Variants in NRXN1 observed in about 807,000 individuals in gnomAD.
NRXN1 encodes neurexin-1.
A neutral mutation model predicts 150.9 loss-of-function variants in NRXN1; 39 were observed. The ratio of observed to expected loss-of-function variants is 0.26; its 90% CI spans 0.20 to 0.34. The LOEUF is 0.34. NRXN1 is among the 10% of genes least tolerant of loss of function. The probability of loss-of-function intolerance (pLI) is 1.00; values close to 1 mark genes in which losing one functional copy is unlikely to be tolerated. For synonymous variants in NRXN1, 924 were observed against 757.0 expected (o/e 1.22, Z -3.62); for missense variants, 1,815 against 1,949.9 (o/e 0.93, Z 1.30).
chr2:50,946,506 A>C (rs1000378394), intron 2 of NRXN1, among the ~76,000 whole-genome samples: 2 of 152,148 alleles, frequency 1.3e-5, no homozygotes, highest in South Asian at 4.1e-4. Context: ...GATTATTCTG[A>C]ACAGTTACAT....
At chr2:49,991,590 T>C (rs1260522960) in intron 21 of NRXN1, among the ~76,000 whole-genome samples, 1 of 152,174 alleles carries the variant, frequency 6.6e-6, no homozygotes. Flanking sequence ...GAATGAAATC[T>C]AGTAAGTAAA....
At chr2:50,922,448 A>G (rs920339265) in intron 4 of NRXN1, 1 of 634,100 alleles carries the variant, frequency 1.6e-6, no homozygotes, top group Admixed American at 2.8e-5. Flanking sequence ...GCAAGAAATG[A>G]AGGAAAATAA....
intron 17 of NRXN1, among the ~76,000 whole-genome samples, chr2:50,391,119 C>T (rs186015485): frequency 1.5e-4 from 23 of 151,900 alleles, no homozygotes; most frequent in Admixed American, 1.2e-3. Context: ...AGAGCTAAAA[C>T]AGCAGAATTA....
chr2:50,043,425 A>G (rs1691322234), intron 21 of NRXN1, among the ~76,000 whole-genome samples: 1 of 152,208 alleles, frequency 6.6e-6, no homozygotes, highest in Admixed American at 6.5e-5. Flanking sequence ...CTGTGCACGG[A>G]AAAGTCAGAC....
In NRXN1 at chr2:50,233,790, T is replaced by C. The variant is rs1273862832; in HGVS notation, c.3546+2999A>G. On this transcript the variant is annotated intron_variant, in intron 18 of 22. Transcript: ENST00000401669. ...CAAACCTAAATCATAAGCAATAATC[T>C]AGAATTTATAAATCTTATTTTTCCT... Among the ~76,000 whole-genome samples the C allele has an allele frequency of 3.3e-5, 5 of 152,228 alleles. No individual in the cohort carries two copies. In the South Asian group the frequency reaches 8.3e-4, roughly 25 times the overall value.
Position 50,465,157 on chromosome 2 carries a change from G to T in NRXN1, c.3364+285C>A, listed in dbSNP as rs149729500. Among the ~76,000 whole-genome samples, 330 of 151,772 alleles carry T rather than the reference G, an allele frequency of 2.2e-3. 1 individual carries two copies. The highest frequency in any genetic ancestry group is 3.7e-3 in the Admixed American group (57 of 15,212). ...TTCTTTCAAAAACCAAGGGAGAATTGTCATATATTGGAAATGAAAAACATT... is the reference window on the plus strand; with the variant it reads ...TTCTTTCAAAAACCAAGGGAGAATTTTCATATATTGGAAATGAAAAACATT... On this transcript the variant is annotated intron_variant, in intron 17 of 22. Coordinates refer to ENST00000401669, the MANE Select transcript of NRXN1 (RefSeq NM_001330078.2).
At chr2:50,890,492 G>A (rs578054383) in intron 5 of NRXN1, among the ~76,000 whole-genome samples, 1 of 151,742 alleles carries the variant, frequency 6.6e-6, no homozygotes, top group African/African-American at 2.4e-5. Flanking sequence ...GTTTTACTTA[G>A]ATTTTTTTTA....
chr2:50,017,446 C>A (rs1381082068), intron 21 of NRXN1, among the ~76,000 whole-genome samples: 7 of 151,452 alleles, frequency 4.6e-5, no homozygotes, highest in African/African-American at 7.3e-5. Flanking sequence ...AAATAAAAGT[C>A]AAAAAAAATT....
In NRXN1 at chr2:50,545,078, C is replaced by T. The variant is rs963086334; in HGVS notation, c.1760-6442G>A. 4.6e-5 allele frequency among the ~76,000 whole-genome samples: 7 copies of T among 151,956 alleles called. No homozygotes were observed. The East Asian group carries it at 5.8e-4, about 13-fold the overall frequency. ...AGAAGAAGAACTGGGAATTTTTCAA[C>T]GCCAAATTATTTTAGTGGTTATCTA... is the stretch of plus-strand genomic sequence containing the variant. On this transcript the variant is annotated intron_variant, in intron 9 of 22. Coordinates refer to ENST00000401669, the MANE Select transcript of NRXN1 (RefSeq NM_001330078.2).
At chr2:50,232,519 T>C (rs2065042214) in intron 18 of NRXN1, among the ~76,000 whole-genome samples, 1 of 151,474 alleles carries the variant, frequency 6.6e-6, no homozygotes, top group Non-Finnish European at 1.5e-5. Flanking sequence ...CCCAAGTAGC[T>C]GGGACTACAG....
chr2:50,645,050 T>C (rs1684625677), intron 5 of NRXN1, among the ~76,000 whole-genome samples: 3 of 152,018 alleles, frequency 2.0e-5, no homozygotes, highest in African/African-American at 4.8e-5. Flanking sequence ...ACTTTCTGAA[T>C]ACAAAATGTC....
intron 14 of NRXN1, among the ~76,000 whole-genome samples, chr2:50,496,497 G>C (rs1033842905): frequency 6.6e-6 from 1 of 152,088 alleles, no homozygotes; most frequent in Non-Finnish European, 1.5e-5. Context: ...GATAGGGAAC[G>C]TGTACTCATC....
Position 49,922,014 on chromosome 2 carries a change from T to C in NRXN1, c.4454A>G (p.Glu1485Gly), listed in dbSNP as rs1322878458. The C allele has an allele frequency of 6.2e-7, 1 of 1,614,204 alleles. No individual in the cohort carries two copies. Among genetic ancestry groups the C allele is most frequent in the South Asian group, 1.1e-5 (1 of 91,092 alleles). Residue 1485 changes from glutamate (E) to glycine (G), a missense_variant, in exon 23 of 23, where the codon GAG (glutamate) becomes GGG (glycine). By Grantham distance (98) the Glu-to-Gly change is moderately conservative. Transcript: ENST00000401669. ...SAQSNGAVVKEKQPSSAKSSN... is the reference protein window; with the variant it reads ...SAQSNGAVVKGKQPSSAKSSN... ...GCTTTTCGCACTGCTGGGTTGTTTC[T>C]CCTTTACAACAGCCCCATTGGACTG...
chr2:50,017,956 A>C (rs1295463197), intron 21 of NRXN1, among the ~76,000 whole-genome samples: 2 of 152,142 alleles, frequency 1.3e-5, no homozygotes, highest in Non-Finnish European at 2.9e-5. Context: ...AGTGTGACTA[A>C]ATATCTGAAT....
At chr2:50,523,144 T>C (rs1344756702) in intron 12 of NRXN1, among the ~76,000 whole-genome samples, 1 of 35,770 alleles carries the variant, frequency 2.8e-5, no homozygotes, top group Non-Finnish European at 5.9e-5. Flanking sequence ...TACATGCAAT[T>C]TTTTTTGATT....
chr2:50,521,162 C>G (rs936781048), intron 12 of NRXN1, among the ~76,000 whole-genome samples: 1 of 152,118 alleles, frequency 6.6e-6, no homozygotes, highest in African/African-American at 2.4e-5. Flanking sequence ...AACCTACATT[C>G]TTCGTAAGCA....
chr2:50,821,608 G>C (rs1669741737), intron 5 of NRXN1, among the ~76,000 whole-genome samples: 2 of 152,198 alleles, frequency 1.3e-5, no homozygotes, highest in South Asian at 4.1e-4. Flanking sequence ...TAAGTGTCTT[G>C]TGAAAGATGA....
At chr2:50,483,569 C>T (rs766430883) in intron 15 of NRXN1, among the ~76,000 whole-genome samples, 2 of 152,094 alleles carry the variant, frequency 1.3e-5, no homozygotes, top group Admixed American at 6.5e-5. Context: ...TTGTTGCAAC[C>T]CTTCACAATA....
chr2:50,968,318 T>A (rs1345615067), intron 2 of NRXN1, among the ~76,000 whole-genome samples: 1 of 152,160 alleles, frequency 6.6e-6, no homozygotes. Context: ...TGTATATTTG[T>A]ATTCATCTTT....
Sources: gnomAD v4.1 joint callset for allele counts (sites outside exome capture counted in the v4.1 genomes callset) on GRCh38, gnomAD v4.1.1 for gene constraint, MANE v1.5 for transcripts, NCBI Gene and HGNC (gene_info 2026-07-23, HGNC 2026-07-21) for gene names.